The following ZBTB2 variants were observed in gnomAD, a reference collection of about 807,000 sequenced individuals.
ZBTB2 encodes zinc finger and BTB domain-containing protein 2.
In ZBTB2, 2 loss-of-function variants were observed where a neutral mutation model predicts 39.5. The observed-to-expected ratio is 0.05, with a 90% CI of 0.02 to 0.16. The LOEUF is 0.16. ZBTB2 is among the 10% of genes least tolerant of loss of function. The pLI is 1.00. For synonymous variants in ZBTB2, 251 were observed against 256.6 expected (o/e 0.98, Z 0.21); for missense variants, 391 against 653.0 (o/e 0.60, Z 4.37).
At chr6:151,384,775 CTG>C (rs1293241624) in intron 1 of ZBTB2, among the ~76,000 whole-genome samples, 1 of 152,198 alleles carries the variant, frequency 6.6e-6, no homozygotes, top group African/African-American at 2.4e-5. Context: ...GAAGTCCTGA[CTG>C]TGAATTGTCT....
At chr6:151,379,070 TA>T (rs1778977947) in intron 1 of ZBTB2, among the ~76,000 whole-genome samples, 1 of 152,192 alleles carries the variant, frequency 6.6e-6, no homozygotes, top group Non-Finnish European at 1.5e-5. Context: ...TTAATATTAT[TA>T]TTTGCTGCTG....
chr6:151,389,837 C>T (rs1779244235), intron 1 of ZBTB2, among the ~76,000 whole-genome samples: 1 of 152,172 alleles, frequency 6.6e-6, no homozygotes, highest in African/African-American at 2.4e-5. Flanking sequence ...GCTCTGCTAC[C>T]CTCGCTTCTT....
chr6:151,373,133 C>A (rs1029458909), intron 2 of ZBTB2, among the ~76,000 whole-genome samples: 4 of 113,970 alleles, frequency 3.5e-5, no homozygotes, highest in African/African-American at 1.3e-4. Context: ...CCAGCCTAGG[C>A]GACAGAGAGA....
At chr6:151,372,340 G>A (rs1413660234) in intron 2 of ZBTB2, among the ~76,000 whole-genome samples, 4 of 152,112 alleles carry the variant, frequency 2.6e-5, no homozygotes, top group African/African-American at 7.2e-5. Context: ...AAACCACAGC[G>A]CGCACTGATA....
At chr6:151,381,242 C>T (rs192712671) in intron 1 of ZBTB2, among the ~76,000 whole-genome samples, 9 of 152,174 alleles carry the variant, frequency 5.9e-5, no homozygotes, top group Non-Finnish European at 1.0e-4. Flanking sequence ...TCCTGTGGGC[C>T]GGGCACAGTG....
At chr6:151,384,568 T>C (rs1230342311) in intron 1 of ZBTB2, among the ~76,000 whole-genome samples, 1 of 152,148 alleles carries the variant, frequency 6.6e-6, no homozygotes, top group East Asian at 1.9e-4. Context: ...GATCAAAGTG[T>C]CCAAGATGAC....
Position 151,388,351 on chromosome 6 carries a change from G to A in ZBTB2, c.-13+3069C>T, listed in dbSNP as rs187277719. Among the ~76,000 whole-genome samples, 219 of 152,314 alleles carry A rather than the reference G, an allele frequency of 1.4e-3. 1 individual carries two copies. The highest frequency in any genetic ancestry group is 4.8e-3 in the African/African-American group (201 of 41,574). On this transcript the variant is annotated intron_variant, in intron 1 of 2. Transcript: ENST00000325144. Reference sequence around the variant, plus strand: ...CACCAAGAAACAGTAAGAGCTGGAAGGGCAGTTCCCACCTCTAAAGCTGCT... The same window carrying A: ...CACCAAGAAACAGTAAGAGCTGGAAAGGCAGTTCCCACCTCTAAAGCTGCT...
intron 1 of ZBTB2, among the ~76,000 whole-genome samples, chr6:151,379,900 T>C (rs971746624): frequency 1.3e-5 from 2 of 152,142 alleles, no homozygotes; most frequent in African/African-American, 4.8e-5. Context: ...GCTCCCTCTC[T>C]TTCCACAAAC....
At chr6:151,368,418 G>C (rs1169000415) in intron 2 of ZBTB2, among the ~76,000 whole-genome samples, 1 of 151,920 alleles carries the variant, frequency 6.6e-6, no homozygotes, top group African/African-American at 2.4e-5. Context: ...CAAAGTGCTG[G>C]GATTACAGGT....
intron 1 of ZBTB2, among the ~76,000 whole-genome samples, chr6:151,381,041 G>T (rs1246619387): frequency 6.6e-6 from 1 of 151,944 alleles, no homozygotes; most frequent in African/African-American, 2.4e-5. Context: ...CATCCTCAGG[G>T]CTCCATTCTC....
intron 1 of ZBTB2, among the ~76,000 whole-genome samples, chr6:151,384,661 G>A (rs369884976): frequency 6.0e-4 from 91 of 152,222 alleles, no homozygotes; most frequent in African/African-American, 2.1e-3. Context: ...ATAATTTGGC[G>A]GGAAGAGCAA....
intron 1 of ZBTB2, among the ~76,000 whole-genome samples, chr6:151,382,211 C>T (rs1377314940): frequency 5.9e-5 from 9 of 152,186 alleles, no homozygotes; most frequent in Non-Finnish European, 1.3e-4. Context: ...CTTTCATTCA[C>T]TGAAATCTTA....
At chr6:151,388,736 G>A (rs1236873424) in intron 1 of ZBTB2, among the ~76,000 whole-genome samples, 1 of 152,170 alleles carries the variant, frequency 6.6e-6, no homozygotes, top group Non-Finnish European at 1.5e-5. Context: ...CTGAAAAGTT[G>A]ATATTAAAGT....
At chr6:151,374,241 G>A (rs1182434294) in intron 1 of ZBTB2, among the ~76,000 whole-genome samples, 1 of 152,150 alleles carries the variant, frequency 6.6e-6, no homozygotes, top group African/African-American at 2.4e-5. Flanking sequence ...TGATGTAACA[G>A]CCCCATCACC....
At chr6:151,370,096 T>C in intron 2 of ZBTB2, 1 of 978,054 alleles carries the variant, frequency 1.0e-6, no homozygotes, top group Non-Finnish European at 1.2e-6. Flanking sequence ...TTCTCTACAA[T>C]ATACTTACAT....
chr6:151,371,048 A>G (rs1778779117), intron 2 of ZBTB2, among the ~76,000 whole-genome samples: 1 of 152,198 alleles, frequency 6.6e-6, no homozygotes, highest in Admixed American at 6.5e-5. Context: ...CTCCTTTTCA[A>G]TACCATTGAA....
At position 151,366,847 on chromosome 6, in the gene ZBTB2, G is replaced by A. The variant is rs752780387; in HGVS notation, c.219C>T (p.Phe73=). Residue 73 remains phenylalanine (F), a synonymous_variant, in exon 3 of 3, where the codon TTC becomes TTT. Coordinates refer to ENST00000325144, the MANE Select transcript of ZBTB2 (RefSeq NM_020861.3). The surrounding 1 kb of genome is among the most constrained non-coding windows in gnomAD (Gnocchi z 7.1). ...LKPTDIQPDI[F]SYLLHLMYTG... ...TGTACATCAAGTGTAAGAGATAGCT[G>A]AAGATGTCGGGCTGTATGTCAGTTG... The A allele has an allele frequency of 5.5e-5, 88 of 1,613,528 alleles. 2 individuals carry two copies. In the South Asian group the frequency reaches 8.8e-4, roughly 16 times the overall value.
At chr6:151,377,803 G>A (rs1778950982) in intron 1 of ZBTB2, among the ~76,000 whole-genome samples, 1 of 151,834 alleles carries the variant, frequency 6.6e-6, no homozygotes, top group Non-Finnish European at 1.5e-5. Flanking sequence ...CAAAGTGCTG[G>A]GATTACGGAC....
In ZBTB2 at chr6:151,374,808, A is replaced by G. The variant is rs1033771464; in HGVS notation, c.-12-1159T>C. Reference sequence around the variant, plus strand: ...AAGTCCCAAGGCATCTATTAAAAAAAAAAAAAAAAAGGCCAGACATGTTGG... The same window carrying G: ...AAGTCCCAAGGCATCTATTAAAAAAGAAAAAAAAAAGGCCAGACATGTTGG... On this transcript the variant is annotated intron_variant, in intron 1 of 2. Transcript: ENST00000325144. Among the ~76,000 whole-genome samples, 6 of 151,350 alleles carry G rather than the reference A, an allele frequency of 4.0e-5. No homozygotes were observed. In the East Asian group the frequency reaches 7.8e-4, roughly 20 times the overall value.
Sources: allele counts gnomAD v4.1 joint callset (sites outside exome capture counted in the v4.1 genomes callset), GRCh38; gene constraint gnomAD v4.1.1; non-coding constraint Gnocchi (gnomAD v3.1); transcripts MANE v1.5; gene names NCBI Gene and HGNC (gene_info 2026-07-23, HGNC 2026-07-21).